The following FBRSL1 variants were observed in gnomAD, a reference collection of about 807,000 sequenced individuals.
FBRSL1 encodes fibrosin like 1, also known as fibrosin-1-like protein.
FBRSL1 carries 51 observed loss-of-function variants against 89.6 expected under a neutral mutation model. That is an observed-to-expected ratio of 0.57 (90% CI 0.45 to 0.72). The LOEUF is 0.72. Ranked by LOEUF, FBRSL1 falls within the 30% of genes least tolerant of loss-of-function variation. FBRSL1 has a pLI of 0.00. For missense variants in FBRSL1, 1,618 were observed against 1,451.8 expected (o/e 1.11, Z -1.86); for synonymous variants, 779 against 681.1 (o/e 1.14, Z -2.24).
intron 17 of FBRSL1, 41 bp downstream of exon 17, chr12:132,581,865 G>GC (rs1253370133): frequency 7.1e-7 from 1 of 1,400,480 alleles, no homozygotes; most frequent in African/African-American, 1.5e-5. Context: ...CGATGCCCGC[G>GC]CCCCTCCCCC....
intron 2 of FBRSL1, among the ~76,000 whole-genome samples, chr12:132,517,636 G>C (rs1018163907): frequency 1.3e-5 from 2 of 152,230 alleles, no homozygotes; most frequent in Non-Finnish European, 2.9e-5. Flanking sequence ...AGGCGGTCAG[G>C]GAAGAGCGCT....
At chr12:132,566,490 T>G (rs1242672145) in intron 5 of FBRSL1, 1 of 151,526 alleles carries the variant, frequency 6.6e-6, no homozygotes, top group Non-Finnish European at 1.5e-5. Context: ...TCCTGGAAAC[T>G]GCCGTGAAGT....
chr12:132,558,613 A>T (rs1291640265), intron 5 of FBRSL1, among the ~76,000 whole-genome samples: 1 of 152,184 alleles, frequency 6.6e-6, no homozygotes, highest in Non-Finnish European at 1.5e-5. Flanking sequence ...GCTGAGGCCG[A>T]CCTTGGTGAT....
chr12:132,507,890 C>G (rs888195592), intron 1 of FBRSL1, among the ~76,000 whole-genome samples: 3 of 152,126 alleles, frequency 2.0e-5, no homozygotes, highest in African/African-American at 7.2e-5. Context: ...TGGAGACTCC[C>G]TGCTGGACTA....
chr12:132,492,386 G>C (rs772005128), intron 1 of FBRSL1, among the ~76,000 whole-genome samples: 7 of 152,186 alleles, frequency 4.6e-5, no homozygotes, highest in Non-Finnish European at 1.0e-4. Flanking sequence ...ACTCTGCAAA[G>C]CTGTTTTAGA....
At chr12:132,511,281 G>C (rs1350867741) in intron 2 of FBRSL1, 1 of 985,490 alleles carries the variant, frequency 1.0e-6, no homozygotes, top group Non-Finnish European at 1.2e-6. Context: ...ACCCCACAGG[G>C]TGGGCAGCGC....
intron 2 of FBRSL1, chr12:132,510,150 C>G: frequency 1.6e-6 from 2 of 1,226,098 alleles, no homozygotes; most frequent in Non-Finnish European, 2.0e-6. Flanking sequence ...GGGCCCAGAG[C>G]AGCCCTGCCA....
intron 5 of FBRSL1, chr12:132,551,227 G>A (rs550565012): frequency 2.8e-4 from 101 of 367,012 alleles, no homozygotes; most frequent in African/African-American, 5.1e-4. Context: ...TGTGGAACCC[G>A]TCTGTGAACT....
intron 2 of FBRSL1, chr12:132,509,850 A>G (rs889400915): frequency 8.1e-7 from 1 of 1,230,206 alleles, no homozygotes; most frequent in African/African-American, 1.6e-5. Flanking sequence ...GCCACTCCTC[A>G]CCCTCCGACC....
At chr12:132,507,924 C>T (rs998637163) in intron 1 of FBRSL1, among the ~76,000 whole-genome samples, 7 of 152,166 alleles carry the variant, frequency 4.6e-5, no homozygotes, top group South Asian at 2.1e-4. Flanking sequence ...CTGGCCCCTT[C>T]GATGGCTGAG....
intron 2 of FBRSL1, among the ~76,000 whole-genome samples, chr12:132,521,777 C>A (rs911176715): frequency 6.6e-5 from 10 of 152,338 alleles, no homozygotes; most frequent in African/African-American, 1.9e-4. Context: ...GTAGTGCGTG[C>A]ATTTGCCCTG....
chr12:132,511,562 G>A (rs1245851493), intron 2 of FBRSL1: 1 of 985,682 alleles, frequency 1.0e-6, no homozygotes, highest in Non-Finnish European at 1.2e-6. Flanking sequence ...GGGGAGCTGG[G>A]CAGGCTCTAA....
Position 132,514,900 on chromosome 12 carries a change from A to G in FBRSL1, c.489+6550A>G, listed in dbSNP as rs866555635. Among the ~76,000 whole-genome samples the G allele has an allele frequency of 4.6e-5, 7 of 152,324 alleles. No individual in the cohort carries two copies. The South Asian group carries it at 6.2e-4, about 14-fold the overall frequency. On this transcript the variant is annotated intron_variant, in intron 2 of 18. Transcript: ENST00000680143. ...AAATAGTATTTCAACAATGTAATCT[A>G]TATAAAAATTGTCACATCTTTTTTA...
intron 1 of FBRSL1, among the ~76,000 whole-genome samples, chr12:132,506,706 G>A (rs1444855191): frequency 1.3e-5 from 2 of 152,278 alleles, no homozygotes; most frequent in Non-Finnish European, 1.5e-5. Context: ...CAGCTGCCTG[G>A]GATGGGCAGC....
intron 15 of FBRSL1, among the ~76,000 whole-genome samples, chr12:132,577,751 A>T (rs2040471117): frequency 6.6e-6 from 1 of 152,176 alleles, no homozygotes; most frequent in Non-Finnish European, 1.5e-5. Flanking sequence ...ACTGCCTGGC[A>T]CAGGCCCCCA....
At chr12:132,558,924 G>A (rs937844653) in intron 5 of FBRSL1, among the ~76,000 whole-genome samples, 3 of 152,236 alleles carry the variant, frequency 2.0e-5, no homozygotes, top group African/African-American at 7.2e-5. Flanking sequence ...GAGAGGACCC[G>A]TCCTTAAACA....
chr12:132,573,286 C>T (rs562644650), intron 11 of FBRSL1, among the ~76,000 whole-genome samples: 4 of 152,332 alleles, frequency 2.6e-5, no homozygotes, highest in Non-Finnish European at 4.4e-5. Context: ...GATCCTGCAG[C>T]GCCCACTCAT....
At chr12:132,514,805 A>T (rs1269050857) in intron 2 of FBRSL1, among the ~76,000 whole-genome samples, 1 of 152,236 alleles carries the variant, frequency 6.6e-6, no homozygotes, top group South Asian at 2.1e-4. Context: ...TGTGAGCCAC[A>T]TATAGAGTTA....
intron 2 of FBRSL1, among the ~76,000 whole-genome samples, chr12:132,522,898 C>T (rs551923628): frequency 6.6e-6 from 1 of 152,282 alleles, no homozygotes; most frequent in African/African-American, 2.4e-5. Context: ...CTTCTGTGTG[C>T]ACTGGGAACA....
Sources: allele counts gnomAD v4.1 joint callset (sites outside exome capture counted in the v4.1 genomes callset), GRCh38; gene constraint gnomAD v4.1.1; transcripts MANE v1.5; gene names NCBI Gene and HGNC (gene_info 2026-07-23, HGNC 2026-07-21).